KIAA0825: variants seen among roughly 807,000 people sequenced by gnomAD.
The protein encoded by KIAA0825 is KIAA0825.
In KIAA0825, 119 loss-of-function variants were observed where a neutral mutation model predicts 147.6. That is an observed-to-expected ratio of 0.81 (90% CI 0.69 to 0.94). The LOEUF is 0.94. Among genes scored for constraint, KIAA0825 ranks in the 40% least tolerant of loss-of-function variants. The pLI, the probability that KIAA0825 is intolerant of heterozygous loss-of-function variation, is 0.00. For missense variants in KIAA0825, 1,381 were observed against 1,472.7 expected, an observed-to-expected ratio of 0.94 and a Z score of 1.02; for synonymous variants, 470 against 518.1, an observed-to-expected ratio of 0.91 and a Z score of 1.26.
At chr5:94,188,432 C>T (rs1050595998) in intron 20 of KIAA0825, among the ~76,000 whole-genome samples, 1 of 152,150 alleles carries the variant, frequency 6.6e-6, no homozygotes, top group Non-Finnish European at 1.5e-5. Flanking sequence ...TAAGTTTTCT[C>T]ATACCTCTTT....
At chr5:94,170,945 A>G (rs1005684157) in intron 20 of KIAA0825, among the ~76,000 whole-genome samples, 2 of 152,212 alleles carry the variant, frequency 1.3e-5, no homozygotes, top group Non-Finnish European at 2.9e-5. Flanking sequence ...GATGGGTCAG[A>G]AAGGTCAAAT....
chr5:94,431,630 G>A (rs896409724), intron 14 of KIAA0825, among the ~76,000 whole-genome samples: 2 of 152,070 alleles, frequency 1.3e-5, no homozygotes, highest in Non-Finnish European at 2.9e-5. Context: ...ACAGATGCCA[G>A]GTAAACAGAG....
Position 94,403,762 on chromosome 5 carries a change from G to T in KIAA0825, c.2694C>A (p.Val898=). The T allele has an allele frequency of 1.3e-6, 2 of 1,551,460 alleles. No individual in the cohort carries two copies. Among genetic ancestry groups the T allele is most frequent in the South Asian group, 2.4e-5 (2 of 84,018 alleles). Residue 898 remains valine, a synonymous_variant, in exon 16 of 21, where the codon GTC becomes GTA. Transcript: ENST00000682413. ...TCAGTGCCAGTCTCAAGCATCGGAT[G>T]ACCTCTAGCTCGTACTCCACGCACG... is the stretch of plus-strand genomic sequence containing the variant. ...VSTCVEYELE[V]IRCLRLALTD...
chr5:94,306,612 T>C (rs1403292929), intron 20 of KIAA0825, among the ~76,000 whole-genome samples: 1 of 151,822 alleles, frequency 6.6e-6, no homozygotes, highest in Non-Finnish European at 1.5e-5. Context: ...TCAGTTAAAC[T>C]TGGTAAAGTT....
At chr5:94,551,199 G>T (rs1775470694) in intron 2 of KIAA0825, among the ~76,000 whole-genome samples, 1 of 151,696 alleles carries the variant, frequency 6.6e-6, no homozygotes, top group Non-Finnish European at 1.5e-5. Context: ...AATGCAGAAA[G>T]CCTTCAGGGT....
At chr5:94,201,497 C>A (rs1288743895) in intron 20 of KIAA0825, among the ~76,000 whole-genome samples, 2 of 151,994 alleles carry the variant, frequency 1.3e-5, no homozygotes, top group Non-Finnish European at 2.9e-5. Flanking sequence ...AGCCTTGATC[C>A]TTTGTGCTCA....
At chr5:94,247,308 A>G (rs1775681618) in intron 20 of KIAA0825, among the ~76,000 whole-genome samples, 1 of 152,176 alleles carries the variant, frequency 6.6e-6, no homozygotes, top group Admixed American at 6.5e-5. Context: ...ACCGGTAATG[A>G]ATGAGCATAA....
At chr5:94,271,567 G>A (rs1454307354) in intron 20 of KIAA0825, among the ~76,000 whole-genome samples, 3 of 152,098 alleles carry the variant, frequency 2.0e-5, no homozygotes, top group Non-Finnish European at 4.4e-5. Context: ...GGCCAACATG[G>A]TGAAACCCTG....
chr5:94,364,860 C>A (rs1482789802), intron 20 of KIAA0825, among the ~76,000 whole-genome samples: 1 of 152,024 alleles, frequency 6.6e-6, no homozygotes, highest in Non-Finnish European at 1.5e-5. Flanking sequence ...GTAAAATCGA[C>A]CTGCAGACAT....
At chr5:94,571,913 T>C (rs1780036842) in intron 2 of KIAA0825, among the ~76,000 whole-genome samples, 1 of 152,148 alleles carries the variant, frequency 6.6e-6, no homozygotes, top group Non-Finnish European at 1.5e-5. Flanking sequence ...TTATACCATA[T>C]GATACATGAT....
intron 15 of KIAA0825, among the ~76,000 whole-genome samples, chr5:94,410,262 CAG>C (rs1228210868): frequency 2.7e-5 from 4 of 146,318 alleles, no homozygotes; most frequent in Non-Finnish European, 6.0e-5. Flanking sequence ...AAAGAACAGA[CAG>C]AAAGAAGGTT....
At chr5:94,608,732 G>GT (rs1788132906) in intron 1 of KIAA0825, among the ~76,000 whole-genome samples, 1 of 150,512 alleles carries the variant, frequency 6.6e-6, no homozygotes, top group Admixed American at 6.7e-5. Context: ...ACATCAGACC[G>GT]TATTTGTTGC....
At chr5:94,428,010 T>G (rs948765399) in intron 14 of KIAA0825, among the ~76,000 whole-genome samples, 1 of 152,184 alleles carries the variant, frequency 6.6e-6, no homozygotes, top group Non-Finnish European at 1.5e-5. Context: ...TTATCTGATA[T>G]AAAAATAGTG....
In KIAA0825 at chr5:94,471,668, C is replaced by A. The variant is rs201085397; in HGVS notation, c.1519G>T (p.Asp507Tyr). ...MLPLALACRD[D>Y]SFQEIRANLV... ...TTTGCTCTAATTTCCTGAAAAGAAT[C>A]ATCTCTGCATGCCAGAGCCAGTGGA... The change falls in exon 9 of 21, where the codon GAT (aspartate) becomes TAT (tyrosine). Residue 507 changes from aspartate to tyrosine, a missense_variant. Transcript: ENST00000682413. 345 of 1,552,160 alleles carry A rather than the reference C, an allele frequency of 2.2e-4. 4 individuals carry two copies. Among genetic ancestry groups the A allele is most frequent in the Non-Finnish European group, 2.8e-5 (32 of 1,147,126 alleles).
At chr5:94,200,011 T>A (rs894973115) in intron 20 of KIAA0825, among the ~76,000 whole-genome samples, 6 of 152,152 alleles carry the variant, frequency 3.9e-5, no homozygotes, top group African/African-American at 1.4e-4. Flanking sequence ...ACAGCACTAT[T>A]CTCTCCAGGT....
chr5:94,565,094 C>CTTTTTTTTTTTTTTTTTT (rs1285299381), intron 2 of KIAA0825, among the ~76,000 whole-genome samples: 7 of 51,900 alleles, frequency 1.3e-4, no homozygotes, highest in Non-Finnish European at 2.4e-4. Flanking sequence ...TTCTTGCTTT[C>CTTTTTTTTTTTTTTTTTT]CTTTTTTTTT....
At chr5:94,355,889 A>G (rs953257935) in intron 20 of KIAA0825, among the ~76,000 whole-genome samples, 58 of 152,356 alleles carry the variant, frequency 3.8e-4, no homozygotes, top group Non-Finnish European at 6.6e-4. Context: ...TGCTGGGATG[A>G]GATTTAAATA....
intron 1 of KIAA0825, among the ~76,000 whole-genome samples, chr5:94,604,169 A>C (rs534392362): frequency 6.6e-6 from 1 of 152,346 alleles, no homozygotes; most frequent in East Asian, 1.9e-4. Flanking sequence ...AATTGATCAC[A>C]TAATCAGAAG....
intron 3 of KIAA0825, among the ~76,000 whole-genome samples, chr5:94,536,173 T>C (rs1176151823): frequency 6.6e-6 from 1 of 152,242 alleles, no homozygotes; most frequent in Non-Finnish European, 1.5e-5. Flanking sequence ...AATTTACTTA[T>C]GCCCATTGTT....
Sources: gnomAD v4.1 joint callset for allele counts (sites outside exome capture counted in the v4.1 genomes callset) on GRCh38, gnomAD v4.1.1 for gene constraint, MANE v1.5 for transcripts, NCBI Gene and HGNC (gene_info 2026-07-23, HGNC 2026-07-21) for gene names.